The following THSD7B variants were observed in gnomAD, a reference collection of about 807,000 sequenced individuals.
The protein encoded by THSD7B is thrombospondin type-1 domain-containing protein 7B.
A neutral mutation model predicts 213.6 loss-of-function variants in THSD7B; 138 were observed. The ratio of observed to expected loss-of-function variants is 0.65; its 90% CI spans 0.56 to 0.74. THSD7B has a LOEUF of 0.74. Ranked by LOEUF, THSD7B falls within the 30% of genes least tolerant of loss-of-function variation. The pLI is 0.00. For missense variants in THSD7B, 1,931 were observed against 1,991.5 expected (o/e 0.97, Z 0.58); for synonymous variants, 742 against 687.0 (o/e 1.08, Z -1.25).
rs189168146 is a variant in THSD7B at position 137,228,283 on chromosome 2, A to G, written c.1724-2761A>G. 1.6e-3 allele frequency among the ~76,000 whole-genome samples: 238 copies of G among 152,208 alleles called. 2 individuals are homozygous for G. The highest frequency in any genetic ancestry group is 1.7e-3 in the Non-Finnish European group (116 of 67,978). ...AATTAGCCTGTATAGCCAAACTACCAAAAGGTTGGTGTTGGTGGGAGTATT... is the reference window on the plus strand; with the variant it reads ...AATTAGCCTGTATAGCCAAACTACCGAAAGGTTGGTGTTGGTGGGAGTATT... On this transcript the variant is annotated intron_variant, in intron 7 of 27. Coordinates refer to ENST00000409968, the MANE Select transcript of THSD7B (RefSeq NM_001316349.2).
intron 1 of THSD7B, among the ~76,000 whole-genome samples, chr2:136,858,798 A>G (rs1249644134): frequency 6.6e-6 from 1 of 152,234 alleles, no homozygotes; most frequent in African/African-American, 2.4e-5. Context: ...AAAAAACTTA[A>G]GCAGACGTCC....
chr2:137,539,319 AG>A (rs2105190013), intron 15 of THSD7B, among the ~76,000 whole-genome samples: 2 of 151,778 alleles, frequency 1.3e-5, no homozygotes, highest in African/African-American at 4.8e-5. Context: ...GGACTAAGAA[AG>A]GAAAATCAAA....
chr2:137,663,635 C>T, intron 26 of THSD7B, 60 bp downstream of exon 26: 1 of 1,422,526 alleles, frequency 7.0e-7, no homozygotes, highest in South Asian at 1.4e-5. Context: ...ATATTTTGAC[C>T]ACTTCTCATG....
intron 1 of THSD7B, among the ~76,000 whole-genome samples, chr2:136,869,708 C>T (rs1176816496): frequency 1.3e-5 from 2 of 152,138 alleles, no homozygotes; most frequent in East Asian, 3.9e-4. Flanking sequence ...TGCTTGGGAG[C>T]CATTTTGTGC....
At chr2:137,241,868 C>T (rs759056748) in intron 9 of THSD7B, among the ~76,000 whole-genome samples, 19 of 149,794 alleles carry the variant, frequency 1.3e-4, no homozygotes, top group Admixed American at 2.7e-4. Flanking sequence ...GAGATCGTGC[C>T]ACTGCACTCC....
intron 14 of THSD7B, among the ~76,000 whole-genome samples, chr2:137,441,585 TGGAATAGATTAGA>T (rs1687413451): frequency 6.6e-6 from 1 of 152,014 alleles, no homozygotes; most frequent in African/African-American, 2.4e-5. Flanking sequence ...TGATCAGACA[TGGAATAGATTAGA>T]AGGAAGAAAT....
intron 14 of THSD7B, among the ~76,000 whole-genome samples, chr2:137,440,168 C>A (rs1687373204): frequency 6.6e-6 from 1 of 152,110 alleles, no homozygotes; most frequent in African/African-American, 2.4e-5. Context: ...AGTTCAGAAA[C>A]TTGATTGTCA....
At chr2:136,896,956 A>G (rs186224451) in intron 2 of THSD7B, among the ~76,000 whole-genome samples, 3 of 150,160 alleles carry the variant, frequency 2.0e-5, no homozygotes, top group Admixed American at 6.6e-5. Context: ...ATATATATAT[A>G]TTTTTTTAAG....
Position 137,136,383 on chromosome 2 carries a change from A to AAAATGAAGG in THSD7B, c.1369+21091_1369+21099dup, listed in dbSNP as rs1679462605. Among the ~76,000 whole-genome samples the AAAATGAAGG allele has an allele frequency of 2.0e-5, 3 of 152,324 alleles. 1 individual carries two copies. Among genetic ancestry groups the AAAATGAAGG allele is most frequent in the African/African-American group, 7.2e-5 (3 of 41,580 alleles). ...AACAAGGAGAAATATCCTTCTGTATAAAATGAAGGTGTTCCAGAGAACAAC... is the reference window on the plus strand; with the variant it reads ...AACAAGGAGAAATATCCTTCTGTATAAAATGAAGGAAATGAAGGTGTTCCAGAGAACAAC... On this transcript the variant is annotated intron_variant, in intron 5 of 27. Coordinates refer to ENST00000409968, the MANE Select transcript of THSD7B (RefSeq NM_001316349.2).
At chr2:136,925,857 A>G (rs1366747523) in intron 2 of THSD7B, among the ~76,000 whole-genome samples, 1 of 152,118 alleles carries the variant, frequency 6.6e-6, no homozygotes, top group Non-Finnish European at 1.5e-5. Context: ...TAGTTAGTCA[A>G]TTTTTAAAAT....
At chr2:137,113,045 C>T (rs918216046) in intron 4 of THSD7B, among the ~76,000 whole-genome samples, 1 of 152,140 alleles carries the variant, frequency 6.6e-6, no homozygotes, top group Non-Finnish European at 1.5e-5. Flanking sequence ...TGCGTGTCTT[C>T]TTTGTTAATG....
chr2:137,234,649 A>C (rs998100670), intron 9 of THSD7B, among the ~76,000 whole-genome samples: 1 of 152,126 alleles, frequency 6.6e-6, no homozygotes, highest in African/African-American at 2.4e-5. Flanking sequence ...TCTTGTTCCA[A>C]CCCTAGTCTA....
intron 15 of THSD7B, among the ~76,000 whole-genome samples, chr2:137,483,990 G>A (rs895169475): frequency 1.3e-5 from 2 of 151,920 alleles, no homozygotes; most frequent in African/African-American, 4.8e-5. Flanking sequence ...ATTCGTTCCA[G>A]ACATGCTCGG....
chr2:137,642,587 C>A lies in THSD7B; in HGVS notation c.3899C>A (p.Pro1300His), dbSNP rs777241486. The A allele has an allele frequency of 6.2e-7, 1 of 1,613,876 alleles. No homozygotes were observed. The highest frequency in any genetic ancestry group is 8.5e-7 in the Non-Finnish European group (1 of 1,179,826). The change falls in exon 21 of 28, where the codon CCC becomes CAC. Residue 1300 changes from proline (P) to histidine (H), a missense_variant. Coordinates refer to ENST00000409968, the MANE Select transcript of THSD7B (RefSeq NM_001316349.2). ...LTQEKTCPVT[P>H]CYSWVLGNWS... ...CAGGAGAAAACCTGCCCAGTGACCC[C>A]CTGCTACAGCTGGGTCCTTGGCAAC...
chr2:137,481,045 C>T (rs983865550), intron 15 of THSD7B, among the ~76,000 whole-genome samples: 1 of 152,108 alleles, frequency 6.6e-6, no homozygotes, highest in Non-Finnish European at 1.5e-5. Flanking sequence ...AGCATTTGTC[C>T]CCTCTGGAGA....
intron 2 of THSD7B, among the ~76,000 whole-genome samples, chr2:136,899,313 A>G (rs747679558): frequency 9.9e-5 from 15 of 152,130 alleles, no homozygotes; most frequent in Non-Finnish European, 1.9e-4. Context: ...TGTATCGTGT[A>G]TTATTACACA....
chr2:137,130,828 A>T (rs12691907), intron 5 of THSD7B, among the ~76,000 whole-genome samples: 1 of 110,268 alleles, frequency 9.1e-6, no homozygotes, highest in Non-Finnish European at 2.0e-5. Context: ...GAATAGTGCC[A>T]CAATAAACAT....
chr2:137,135,835 G>A (rs1679443600), intron 5 of THSD7B, among the ~76,000 whole-genome samples: 1 of 148,354 alleles, frequency 6.7e-6, no homozygotes, highest in Non-Finnish European at 1.5e-5. Flanking sequence ...GAAATGAAGA[G>A]TTATATGCTA....
chr2:137,216,764 C>T (rs960797278), intron 7 of THSD7B, among the ~76,000 whole-genome samples: 2 of 152,086 alleles, frequency 1.3e-5, no homozygotes, highest in Non-Finnish European at 2.9e-5. Flanking sequence ...GGGCTGATCT[C>T]CACAAACTTG....
Sources: gnomAD v4.1 joint callset for allele counts (sites outside exome capture counted in the v4.1 genomes callset) on GRCh38, gnomAD v4.1.1 for gene constraint, MANE v1.5 for transcripts, NCBI Gene and HGNC (gene_info 2026-07-23, HGNC 2026-07-21) for gene names.